The following IGSF21 variants were observed in gnomAD, a reference collection of about 807,000 sequenced individuals.
IGSF21 encodes the protein immunoglobin superfamily member 21, also known as immunoglobulin superfamily member 21.
In IGSF21, 28 loss-of-function variants were observed where a neutral mutation model predicts 46.8. That is an observed-to-expected ratio of 0.60 (90% confidence interval 0.44 to 0.82). IGSF21 has a LOEUF of 0.82. IGSF21 is among the 40% of genes least tolerant of loss of function. The pLI is 0.00. For missense variants in IGSF21, 624 were observed against 665.5 expected (o/e 0.94, Z 0.69); for synonymous variants, 284 against 273.6 (o/e 1.04, Z -0.38).
At chr1:18,292,174 G>A (rs71645405) in intron 3 of IGSF21, among the ~76,000 whole-genome samples, 187 bp downstream of exon 3, 1 of 152,212 alleles carries the variant, frequency 6.6e-6, no homozygotes, top group Admixed American at 6.5e-5. Context: ...GGAGGGAAGA[G>A]GCAGGAGAGG....
intron 1 of IGSF21, among the ~76,000 whole-genome samples, chr1:18,223,805 A>T (rs1468993373): frequency 2.0e-5 from 3 of 152,150 alleles, no homozygotes; most frequent in Non-Finnish European, 4.4e-5. Flanking sequence ...AAACTAAGTG[A>T]CACATGCTCA....
At chr1:18,191,770 T>A (rs1231011366) in intron 1 of IGSF21, among the ~76,000 whole-genome samples, 1 of 152,134 alleles carries the variant, frequency 6.6e-6, no homozygotes, top group Non-Finnish European at 1.5e-5. Flanking sequence ...TGGGGCTTCA[T>A]CCGGTCCCTG....
Position 18,337,628 on chromosome 1 carries a change from A to G in IGSF21, c.424+2618A>G, listed in dbSNP as rs1426194807. Among the ~76,000 whole-genome samples, 2 of 127,358 alleles carry G rather than the reference A, an allele frequency of 1.6e-5. No homozygotes were observed. Among genetic ancestry groups the G allele is most frequent in the African/African-American group, 5.7e-5 (2 of 35,226 alleles). 83.6% of individuals were successfully genotyped at this position (127,358 alleles called of 152,430 possible). A position where few individuals can be genotyped will look rare whatever the true frequency, so the allele number is the denominator to read the frequency against. On this transcript the variant is annotated intron_variant, in intron 4 of 9. Transcript: ENST00000251296. The surrounding 1 kb of genome is among the most constrained non-coding windows in gnomAD (Gnocchi z 5.7). ...GTGTGTCTCTGGGAGTGGCAGAGAC[A>G]GGGGTCTCTCCTTACTCACCTTCTC...
chr1:18,307,316 G>A (rs1342019673), intron 3 of IGSF21, among the ~76,000 whole-genome samples: 6 of 152,098 alleles, frequency 3.9e-5, no homozygotes, highest in African/African-American at 1.4e-4. Flanking sequence ...TGGGAGCGAT[G>A]ATATAGCAAG....
intron 2 of IGSF21, among the ~76,000 whole-genome samples, chr1:18,272,953 G>A (rs2085056761): frequency 6.6e-6 from 1 of 151,582 alleles, no homozygotes; most frequent in African/African-American, 2.4e-5. Flanking sequence ...GCTCAGGTGG[G>A]AGCTGGTGTC....
At chr1:18,189,602 C>T (rs1041046719) in intron 1 of IGSF21, among the ~76,000 whole-genome samples, 3 of 151,644 alleles carry the variant, frequency 2.0e-5, no homozygotes, top group Admixed American at 2.0e-4. Context: ...ACTGGGGGTG[C>T]TGGGAGACAG....
chr1:18,200,965 C>T (rs1186149417), intron 1 of IGSF21, among the ~76,000 whole-genome samples: 1 of 152,166 alleles, frequency 6.6e-6, no homozygotes, highest in East Asian at 1.9e-4. Flanking sequence ...TGGATGTAAA[C>T]AGATAATAGT....
chr1:18,283,618 A>C (rs957717546), intron 2 of IGSF21, among the ~76,000 whole-genome samples: 2 of 152,010 alleles, frequency 1.3e-5, no homozygotes, highest in African/African-American at 4.8e-5. Flanking sequence ...CAGGCGGCTG[A>C]ATCATTCTCC....
chr1:18,143,838 A>T (rs2086440489), intron 1 of IGSF21, among the ~76,000 whole-genome samples: 1 of 151,992 alleles, frequency 6.6e-6, no homozygotes, highest in Non-Finnish European at 1.5e-5. Context: ...CTTAGGTGGT[A>T]GGGGGGTGAG....
At chr1:18,235,105 C>T (rs1329316956) in intron 2 of IGSF21, among the ~76,000 whole-genome samples, 4 of 152,212 alleles carry the variant, frequency 2.6e-5, no homozygotes, top group Non-Finnish European at 5.9e-5. Context: ...GTCTGAGACT[C>T]ATTCTACAGT....
chr1:18,308,115 C>T (rs1291181722), intron 3 of IGSF21, among the ~76,000 whole-genome samples: 2 of 152,142 alleles, frequency 1.3e-5, no homozygotes, highest in Admixed American at 6.6e-5. Flanking sequence ...GTCTGTGGCT[C>T]CTGGAGGGAG....
intron 2 of IGSF21, among the ~76,000 whole-genome samples, chr1:18,252,363 T>G (rs11590465): frequency 0.11 from 16,777 of 152,210 alleles, 1,083 homozygotes; most frequent in East Asian, 0.25. Context: ...CAAGGCTTTT[T>G]TAAAGACATG....
In IGSF21 at chr1:18,180,392, C is replaced by T. The variant is rs2086845595; in HGVS notation, c.71-47506C>T. ...TGCCTAGCGCTTTGGGTTGCTGAGC[C>T]CTCAGCCTTCAGTGAGGAGGTATTG... On this transcript the variant is annotated intron_variant, in intron 1 of 9. Coordinates refer to ENST00000251296, the MANE Select transcript of IGSF21 (RefSeq NM_032880.5). 2.0e-5 allele frequency among the ~76,000 whole-genome samples: 3 copies of T among 152,006 alleles called. No individual in the cohort carries two copies. The South Asian group carries it at 6.2e-4, about 31-fold the overall frequency.
chr1:18,355,045 C>T (rs1045703872), intron 4 of IGSF21, among the ~76,000 whole-genome samples: 1 of 152,222 alleles, frequency 6.6e-6, no homozygotes, highest in Non-Finnish European at 1.5e-5. Flanking sequence ...TGACCACAGG[C>T]ATCAACTGAT....
At chr1:18,349,098 GCTA>G (rs1317656870) in intron 4 of IGSF21, among the ~76,000 whole-genome samples, 1 of 152,174 alleles carries the variant, frequency 6.6e-6, no homozygotes, top group Admixed American at 6.5e-5. Context: ...TCTCATAACA[GCTA>G]CTGAGGTGGT....
chr1:18,376,252 C>A, intron 6 of IGSF21, 58 bp from the exon 7 acceptor site: 1 of 1,181,836 alleles, frequency 8.5e-7, no homozygotes. Context: ...CTTTCTCTTC[C>A]ATGTACCCTG....
intron 2 of IGSF21, among the ~76,000 whole-genome samples, chr1:18,287,256 C>T (rs1202437166): frequency 1.3e-5 from 2 of 151,122 alleles, no homozygotes; most frequent in Non-Finnish European, 2.9e-5. Flanking sequence ...ATTAGCTAGG[C>T]GTGGTGGCAG....
At chr1:18,273,676 A>C (rs2085073554) in intron 2 of IGSF21, among the ~76,000 whole-genome samples, 1 of 141,466 alleles carries the variant, frequency 7.1e-6, no homozygotes, top group Admixed American at 7.1e-5. Context: ...AGCCAGGTAA[A>C]GATTTTTTTT....
rs117903090 is a variant in IGSF21, at chr1:18,184,465, C to T, written c.71-43433C>T. Among the ~76,000 whole-genome samples the T allele has an allele frequency of 3.9e-3, 601 of 152,288 alleles. 12 individuals carry two copies. In the South Asian group the frequency reaches 0.046, roughly 12 times the overall value. On this transcript the variant is annotated intron_variant, in intron 1 of 9. Coordinates refer to ENST00000251296, the MANE Select transcript of IGSF21 (RefSeq NM_032880.5). ...CTTTAATCTTTCCTCGTAAATTAAT[C>T]CCTCTGAACCTTTAATCATTTTCCT...
Sources: gnomAD v4.1 joint callset for allele counts (sites outside exome capture counted in the v4.1 genomes callset) on GRCh38, gnomAD v4.1.1 for gene constraint, Gnocchi (gnomAD v3.1) non-coding constraint, MANE v1.5 for transcripts, NCBI Gene and HGNC (gene_info 2026-07-23, HGNC 2026-07-21) for gene names.